The following FERRY3 variants were observed in gnomAD, a reference collection of about 807,000 sequenced individuals.
FERRY3 encodes the protein protein C12orf4.
chr12:4,500,161 A>G, the FERRY3 span: 2 of 1,613,852 alleles, frequency 1.2e-6, no homozygotes, highest in Non-Finnish European at 1.7e-6. Flanking sequence ...TGTACCAGCA[A>G]GAGAGGAATG....
the FERRY3 span, among the ~76,000 whole-genome samples, chr12:4,497,256 T>C: frequency 6.6e-6 from 1 of 152,086 alleles, no homozygotes; most frequent in Admixed American, 6.6e-5. Context: ...ACAAACATAA[T>C]ATTGAACGAA....
chr12:4,505,457 T>C, the FERRY3 span: 5 of 1,013,098 alleles, frequency 4.9e-6, no homozygotes, highest in Non-Finnish European at 7.5e-6. Flanking sequence ...CCCAAAAGAA[T>C]CACAACAACA....
chr12:4,501,560 C>G, the FERRY3 span, among the ~76,000 whole-genome samples: 1 of 152,080 alleles, frequency 6.6e-6, no homozygotes, highest in Admixed American at 6.5e-5. Flanking sequence ...CTCACAGGAG[C>G]ACGAACCCTA....
chr12:4,501,851 G>C, the FERRY3 span, among the ~76,000 whole-genome samples: 2 of 152,204 alleles, frequency 1.3e-5, no homozygotes, highest in South Asian at 4.1e-4. Flanking sequence ...TGTCTTCCAT[G>C]AAACTGGTCC....
At chr12:4,529,123 T>G in the FERRY3 span, among the ~76,000 whole-genome samples, 2 of 152,168 alleles carry the variant, frequency 1.3e-5, no homozygotes, top group African/African-American at 4.8e-5. Flanking sequence ...ACAATTTATA[T>G]AGAGTTACTA....
chr12:4,508,560 C>T, the FERRY3 span, among the ~76,000 whole-genome samples: 1 of 152,146 alleles, frequency 6.6e-6, no homozygotes, highest in Non-Finnish European at 1.5e-5. Context: ...GTCTGGCCAA[C>T]ATGGCAAAAC....
At chr12:4,526,079 G>A in the FERRY3 span, among the ~76,000 whole-genome samples, 9 of 152,150 alleles carry the variant, frequency 5.9e-5, no homozygotes, top group Admixed American at 2.6e-4. Context: ...ACAGAGAGAC[G>A]TAAAATACAG....
At chr12:4,496,589 A>AAG in the FERRY3 span, among the ~76,000 whole-genome samples, 5,501 of 152,216 alleles carry the variant, frequency 0.036, 330 homozygotes, top group African/African-American at 0.12. Context: ...ATGTGCAAAG[A>AAG]AGATTCTAAA....
chr12:4,511,686 A>G, the FERRY3 span, among the ~76,000 whole-genome samples: 40 of 148,924 alleles, frequency 2.7e-4, no homozygotes, highest in South Asian at 4.3e-4. Flanking sequence ...GTTCTTTGAA[A>G]CCAACGAGAA....
the FERRY3 span, among the ~76,000 whole-genome samples, chr12:4,537,144 TTCTG>T: frequency 1.4e-4 from 22 of 152,340 alleles, no homozygotes; most frequent in East Asian, 3.9e-3. Flanking sequence ...CATTCTGAAC[TTCTG>T]TCAACACCAA....
At chr12:4,492,551 G>A in the FERRY3 span, among the ~76,000 whole-genome samples, 2 of 152,060 alleles carry the variant, frequency 1.3e-5, no homozygotes, top group Admixed American at 6.6e-5. Flanking sequence ...TCTAATTGCC[G>A]TTTACCTATT....
the FERRY3 span, among the ~76,000 whole-genome samples, chr12:4,513,316 CCA>C: frequency 6.6e-6 from 1 of 151,782 alleles, no homozygotes; most frequent in African/African-American, 2.4e-5. Flanking sequence ...GCCATACTGC[CCA>C]AGGTAATTTA....
At chr12:4,500,975 A>G in the FERRY3 span, among the ~76,000 whole-genome samples, 1 of 152,190 alleles carries the variant, frequency 6.6e-6, no homozygotes, top group African/African-American at 2.4e-5. Flanking sequence ...TAACATGTAA[A>G]AAAGGTTACT....
the FERRY3 span, among the ~76,000 whole-genome samples, chr12:4,510,272 G>A: frequency 6.7e-6 from 1 of 148,682 alleles, no homozygotes; most frequent in Non-Finnish European, 1.5e-5. Context: ...TGTCTGATTG[G>A]TGTACCTGAA....
the FERRY3 span, among the ~76,000 whole-genome samples, chr12:4,520,552 G>C: frequency 6.6e-6 from 1 of 152,200 alleles, no homozygotes; most frequent in South Asian, 2.1e-4. Flanking sequence ...CCCAAGTGCC[G>C]TTCTAAGCAC....
the FERRY3 span, chr12:4,491,379 G>A: frequency 9.6e-6 from 6 of 623,440 alleles, no homozygotes; most frequent in Non-Finnish European, 1.6e-5. Flanking sequence ...ATTTCCTCTA[G>A]TTTTTAGGCA....
At chr12:4,511,480 T>G in the FERRY3 span, among the ~76,000 whole-genome samples, 1 of 151,838 alleles carries the variant, frequency 6.6e-6, no homozygotes, top group Non-Finnish European at 1.5e-5. Flanking sequence ...ATTGACCACA[T>G]AGTTGGAAGT....
chr12:4,531,713 C>T, the FERRY3 span, among the ~76,000 whole-genome samples: 53 of 152,308 alleles, frequency 3.5e-4, no homozygotes, highest in South Asian at 2.5e-3. Context: ...AACCATTCAG[C>T]ACCCCTTATC....
the FERRY3 span, among the ~76,000 whole-genome samples, chr12:4,529,044 TAATA>T: frequency 6.6e-6 from 1 of 152,062 alleles, no homozygotes; most frequent in African/African-American, 2.4e-5. Flanking sequence ...GTTTTTAAGA[TAATA>T]AATATTATTA....
Sources: allele counts gnomAD v4.1 joint callset (sites outside exome capture counted in the v4.1 genomes callset), GRCh38; gene constraint gnomAD v4.1.1; transcripts MANE v1.5; gene names NCBI Gene and HGNC (gene_info 2026-07-23, HGNC 2026-07-21).